Variants in COL11A1 observed in about 807,000 individuals in gnomAD.
The protein encoded by COL11A1 is collagen type XI alpha 1 chain.
COL11A1 carries 74 observed loss-of-function variants against 265.2 expected under a neutral mutation model. The observed-to-expected ratio is 0.28, with a 90% CI of 0.23 to 0.34. COL11A1 has a LOEUF of 0.34. COL11A1 is among the 10% of genes least tolerant of loss of function. The pLI is 1.00. For synonymous variants in COL11A1, 816 were observed against 727.6 expected (o/e 1.12, Z -1.96); for missense variants, 2,165 against 2,263.6 (o/e 0.96, Z 0.88).
intron 14 of COL11A1, among the ~76,000 whole-genome samples, chr1:103,011,791 C>G (rs1306112313): frequency 6.6e-6 from 1 of 152,048 alleles, no homozygotes; most frequent in Non-Finnish European, 1.5e-5. Context: ...ATCCTGTGAA[C>G]TGCTACACCA....
At chr1:102,976,289 C>CTTTT (rs149842131) in intron 35 of COL11A1, among the ~76,000 whole-genome samples, 3,881 of 58,538 alleles carry the variant, frequency 0.066, 1,124 homozygotes, top group South Asian at 0.2. Context: ...AAAACGTTGG[C>CTTTT]TTTTTTTTTT....
intron 4 of COL11A1, among the ~76,000 whole-genome samples, chr1:103,051,255 T>C (rs1669799114): frequency 6.6e-6 from 1 of 152,220 alleles, no homozygotes; most frequent in African/African-American, 2.4e-5. Flanking sequence ...TCCACCCAGT[T>C]TGAGCTTCCT....
chr1:102,933,416 T>A (rs1309305139), intron 46 of COL11A1, among the ~76,000 whole-genome samples: 1 of 149,078 alleles, frequency 6.7e-6, no homozygotes, highest in Non-Finnish European at 1.5e-5. Context: ...GGGTCAGGGG[T>A]CAGGGACCCA....
At position 103,026,234 on chromosome 1, in the gene COL11A1, C is replaced by A. The variant is rs749538662; in HGVS notation, c.879G>T (p.Glu293Asp). Reference protein sequence around the residue: ...SVTEGPTVTEETIAQTEANIV... With the variant: ...SVTEGPTVTEDTIAQTEANIV... The stretch of plus-strand genomic sequence containing the variant: ...TTTTTACCTCCGTCTGTGCTATTGT[C>A]TCCTCAGTTACAGTGGGTCCCTCTG... The change falls in exon 6 of 67, where the codon GAG becomes GAT. Residue 293 changes from glutamate (E) to aspartate (D), a missense_variant. Physicochemically the swap from Glu to Asp is conservative, Grantham distance 45. Transcript: ENST00000370096. 1 of 1,612,332 alleles carries A rather than the reference C, an allele frequency of 6.2e-7. No homozygotes were observed. Among genetic ancestry groups the A allele is most frequent in the Admixed American group, 1.7e-5 (1 of 60,016 alleles).
intron 4 of COL11A1, among the ~76,000 whole-genome samples, chr1:103,049,385 G>A (rs1400346888): frequency 6.6e-6 from 1 of 152,032 alleles, no homozygotes; most frequent in East Asian, 1.9e-4. Flanking sequence ...ATCTTTGTTG[G>A]TTTAAAGTCT....
Position 102,987,632 on chromosome 1 carries a change from C to A in COL11A1, c.2502+1G>T. 6.2e-7 allele frequency: 1 copy of A among 1,612,228 alleles called. No individual in the cohort carries two copies. The highest frequency in any genetic ancestry group is 8.5e-7 in the Non-Finnish European group (1 of 1,178,518). On this transcript the variant is annotated splice_donor_variant, in intron 30 of 66. Transcript: ENST00000370096. LOFTEE classifies it high-confidence loss of function. ...CAGTGAATTTAAAGTCATTTACCAACCTTTTCTCCTGCTTGACCTGAAGGA... is the reference window on the plus strand; with the variant it reads ...CAGTGAATTTAAAGTCATTTACCAAACTTTTCTCCTGCTTGACCTGAAGGA...
chr1:102,906,930 G>C (rs1654050065), intron 54 of COL11A1, among the ~76,000 whole-genome samples: 1 of 151,966 alleles, frequency 6.6e-6, no homozygotes, highest in Admixed American at 6.6e-5. Flanking sequence ...CTCTGGTGAA[G>C]AAAATAGATT....
intron 5 of COL11A1, among the ~76,000 whole-genome samples, chr1:103,029,359 T>C (rs1025179338): frequency 2.0e-5 from 3 of 152,028 alleles, no homozygotes; most frequent in Admixed American, 2.0e-4. Context: ...TTAATTTATA[T>C]AGGTAGAACT....
Position 103,023,006 on chromosome 1 carries a change from T to G in COL11A1, c.991-10A>C, listed in dbSNP as rs1388849619. ...CTTCAACTGGATTTGGCTATTAATT[T>G]AAATTGCAAGGAATTGAGGAACATG... On this transcript the variant is annotated splice_polypyrimidine_tract_variant and intron_variant, in intron 7 of 66. Coordinates refer to ENST00000370096, the MANE Select transcript of COL11A1 (RefSeq NM_001854.4). 1 of 1,609,858 alleles carries G rather than the reference T, an allele frequency of 6.2e-7. No homozygotes were observed. The highest frequency in any genetic ancestry group is 8.5e-7 in the Non-Finnish European group (1 of 1,177,588).
chr1:103,073,893 A>G (rs1027611611), intron 4 of COL11A1, among the ~76,000 whole-genome samples: 1 of 152,034 alleles, frequency 6.6e-6, no homozygotes, highest in Non-Finnish European at 1.5e-5. Flanking sequence ...AATATATTAC[A>G]CAGCTTTACT....
chr1:103,042,376 C>A (rs1475771963), intron 4 of COL11A1, among the ~76,000 whole-genome samples: 1 of 152,000 alleles, frequency 6.6e-6, no homozygotes, highest in Non-Finnish European at 1.5e-5. Flanking sequence ...TCTAGAATTT[C>A]CTGGCATAAT....
At chr1:102,878,475 C>CATAT (rs57574729) in intron 66 of COL11A1, among the ~76,000 whole-genome samples, 3,132 of 49,800 alleles carry the variant, frequency 0.063, 288 homozygotes, top group Non-Finnish European at 0.1. Context: ...ATTGAATCCT[C>CATAT]ATATATATAT....
At chr1:102,987,477 C>T (rs991395330) in intron 30 of COL11A1, among the ~76,000 whole-genome samples, 156 bp downstream of exon 30, 22 of 150,770 alleles carry the variant, frequency 1.5e-4, no homozygotes, top group African/African-American at 4.6e-4. Context: ...TACACTGAAA[C>T]GTAAATGTAA....
At chr1:102,988,524 G>A (rs1663804686) in intron 29 of COL11A1, among the ~76,000 whole-genome samples, 2 of 152,150 alleles carry the variant, frequency 1.3e-5, no homozygotes, top group African/African-American at 4.8e-5. Context: ...TTTGGAGATT[G>A]AAAGGCATAA....
intron 28 of COL11A1, among the ~76,000 whole-genome samples, chr1:102,991,920 G>T (rs1298927648): frequency 6.6e-6 from 1 of 151,184 alleles, no homozygotes; most frequent in Non-Finnish European, 1.5e-5. Context: ...ATTGGGCAAT[G>T]GCAGAGGCTT....
At chr1:102,983,755 T>A (rs1304741298) in intron 31 of COL11A1, among the ~76,000 whole-genome samples, 2 of 152,056 alleles carry the variant, frequency 1.3e-5, no homozygotes, top group Non-Finnish European at 2.9e-5. Flanking sequence ...GGTAATAGTG[T>A]GAAAGGTGTA....
chr1:103,017,270 T>C (rs924898758), intron 11 of COL11A1, among the ~76,000 whole-genome samples: 5 of 152,076 alleles, frequency 3.3e-5, no homozygotes, highest in African/African-American at 4.8e-5. Flanking sequence ...TAAATTGTAA[T>C]TATATGAAAA....
At chr1:102,960,490 G>T (rs907944329) in intron 41 of COL11A1, among the ~76,000 whole-genome samples, 25 of 150,332 alleles carry the variant, frequency 1.7e-4, no homozygotes, top group Middle Eastern at 3.4e-3. Context: ...GTGTGTGTGG[G>T]GGGGGGAATT....
chr1:103,002,924 CGAA>C, intron 21 of COL11A1, 133 bp from the exon 22 acceptor site: 8 of 902,954 alleles, frequency 8.9e-6, no homozygotes, highest in Non-Finnish European at 1.4e-5. Flanking sequence ...TTAATGGAAA[CGAA>C]GAAGAGACAA....
Sources: gnomAD v4.1 joint callset for allele counts (sites outside exome capture counted in the v4.1 genomes callset) on GRCh38, gnomAD v4.1.1 for gene constraint, MANE v1.5 for transcripts, NCBI Gene and HGNC (gene_info 2026-07-23, HGNC 2026-07-21) for gene names.